Variants in SEC23IP observed in about 807,000 individuals in gnomAD.
SEC23IP encodes the protein SEC23 interacting protein, also known as SEC23-interacting protein.
In SEC23IP, 70 loss-of-function variants were observed where a neutral mutation model predicts 113.4. The ratio of observed to expected loss-of-function variants is 0.62; its 90% CI spans 0.51 to 0.75. The LOEUF is 0.75. Among genes scored for constraint, SEC23IP ranks in the 30% least tolerant of loss-of-function variants. The pLI is 0.00. For missense variants in SEC23IP, 1,160 were observed against 1,204.9 expected (o/e 0.96, Z 0.55); for synonymous variants, 398 against 421.0 (o/e 0.95, Z 0.67).
chr10:119,920,767 G>T, intron 11 of SEC23IP, 122 bp from the exon 12 acceptor site: 1 of 595,860 alleles, frequency 1.7e-6, no homozygotes, highest in Non-Finnish European at 2.8e-6. Context: ...TAACTAACTT[G>T]TAAAAAGTTG....
In SEC23IP at chr10:119,940,577, C is replaced by G. The variant is rs201233098; in HGVS notation, c.*21-9C>G. 6.8e-6 allele frequency: 1 copy of G among 147,390 alleles called. No individual in the cohort carries two copies. Among genetic ancestry groups the G allele is most frequent in the African/African-American group, 2.5e-5 (1 of 40,052 alleles). 9.1% of individuals were successfully genotyped at this position (147,390 alleles called of 1,614,324 possible). A position where few individuals can be genotyped will look rare whatever the true frequency, so the allele number is the denominator to read the frequency against. On this transcript the variant is annotated splice_polypyrimidine_tract_variant and intron_variant, in intron 18 of 18. Transcript: ENST00000369075. ...TTCACTGAGGTTTTTTTTTTTTTTC[C>G]TTTTTAAGACTTTCTTGTCTGCACA...
chr10:119,929,210 G>A (rs971797594), intron 13 of SEC23IP, among the ~76,000 whole-genome samples: 3 of 152,086 alleles, frequency 2.0e-5, no homozygotes, highest in African/African-American at 7.2e-5. Flanking sequence ...AGTCTATAAA[G>A]ATTTTAAAGA....
At chr10:119,916,481 A>G (rs1000655154) in intron 8 of SEC23IP, among the ~76,000 whole-genome samples, 1 of 152,258 alleles carries the variant, frequency 6.6e-6, no homozygotes, top group African/African-American at 2.4e-5. Context: ...GCACATGTCT[A>G]GATTTTAGTG....
At chr10:119,914,033 G>A (rs1044886886) in intron 6 of SEC23IP, among the ~76,000 whole-genome samples, 1 of 152,068 alleles carries the variant, frequency 6.6e-6, no homozygotes, top group Non-Finnish European at 1.5e-5. Context: ...GGTGGTGGGT[G>A]CCTGTAATCC....
Position 119,918,378 on chromosome 10 carries a change from GTTTC to G in SEC23IP, c.1754-11_1754-8del. The G allele has an allele frequency of 6.7e-7, 1 of 1,482,000 alleles. No individual in the cohort carries two copies. Among genetic ancestry groups the G allele is most frequent in the Non-Finnish European group, 9.4e-7 (1 of 1,063,182 alleles). 91.8% of individuals were successfully genotyped at this position (1,482,000 alleles called of 1,614,324 possible). On this transcript the variant is annotated splice_polypyrimidine_tract_variant and intron_variant, in intron 9 of 18. Coordinates refer to ENST00000369075, the MANE Select transcript of SEC23IP (RefSeq NM_007190.4). ...TACCTACTACATTATAAGGCAAAAT[GTTTC>G]TTTTTCATAGGTTCTTTAATATTGT... is the stretch of plus-strand genomic sequence containing the variant.
intron 4 of SEC23IP, among the ~76,000 whole-genome samples, chr10:119,904,825 G>A (rs781278614): frequency 6.6e-5 from 10 of 152,166 alleles, no homozygotes; most frequent in Non-Finnish European, 1.5e-4. Flanking sequence ...TAGGAAATGA[G>A]ATACAGAACA....
intron 16 of SEC23IP, among the ~76,000 whole-genome samples, chr10:119,932,747 C>T (rs780799511): frequency 6.6e-6 from 1 of 152,142 alleles, no homozygotes; most frequent in Non-Finnish European, 1.5e-5. Context: ...AGATTCTAAT[C>T]CTGTTTCCTT....
In SEC23IP at chr10:119,933,757, C is replaced by T. The variant is rs1351986665; in HGVS notation, c.2993C>T (p.Pro998Leu). Reference sequence around the variant, plus strand: ...ACAATGAACATTAGTCCAGAACAGCCCCAGCATTGATCAAACTTCAGTTTT... The same window carrying T: ...ACAATGAACATTAGTCCAGAACAGCTCCAGCATTGATCAAACTTCAGTTTT... The part of the protein sequence containing the change: ...YRTMNISPEQ[P>L]QH Residue 998 changes from proline (P) to leucine (L), a missense_variant, in exon 18 of 19, where the codon CCC becomes CTC. Transcript: ENST00000369075. 11 of 1,574,590 alleles carry T rather than the reference C, an allele frequency of 7.0e-6. No individual in the cohort carries two copies. The highest frequency in any genetic ancestry group is 1.3e-5 in the African/African-American group (1 of 74,128).
chr10:119,905,240 T>C (rs1265737547), intron 4 of SEC23IP, among the ~76,000 whole-genome samples: 1 of 152,226 alleles, frequency 6.6e-6, no homozygotes, highest in Non-Finnish European at 1.5e-5. Flanking sequence ...TAATTTTAGA[T>C]ATAAATAAAC....
chr10:119,918,622 G>A, intron 10 of SEC23IP, 111 bp downstream of exon 10: 10 of 767,832 alleles, frequency 1.3e-5, no homozygotes, highest in East Asian at 1.0e-4. Flanking sequence ...TTGTTTGTTT[G>A]TTTGTTTTAA....
Position 119,917,990 on chromosome 10 carries a change from A to G in SEC23IP, c.1699A>G (p.Met567Val), listed in dbSNP as rs766530551. ...GATAAACCATCTGCATGCACTCTTTATGAGTCGGAACCCAGACTTCAAAGG... is the reference window on the plus strand; with the variant it reads ...GATAAACCATCTGCATGCACTCTTTGTGAGTCGGAACCCAGACTTCAAAGG... ...MEINHLHALF[M>V]SRNPDFKGGV... Residue 567 changes from methionine to valine, a missense_variant, in exon 9 of 19, where the codon ATG becomes GTG. Met to Val is a conservative substitution (Grantham distance 21, BLOSUM62 1). Transcript: ENST00000369075. The G allele has an allele frequency of 6.2e-7, 1 of 1,614,148 alleles. No homozygotes were observed. The highest frequency in any genetic ancestry group is 8.5e-7 in the Non-Finnish European group (1 of 1,179,996).
chr10:119,910,119 T>G (rs1304013056), intron 5 of SEC23IP, among the ~76,000 whole-genome samples: 1 of 152,240 alleles, frequency 6.6e-6, no homozygotes, highest in Non-Finnish European at 1.5e-5. Context: ...AGAGACAATG[T>G]GTAAACCAAT....
At chr10:119,906,919 C>T (rs1327182387) in intron 4 of SEC23IP, among the ~76,000 whole-genome samples, 1 of 151,310 alleles carries the variant, frequency 6.6e-6, no homozygotes, top group Non-Finnish European at 1.5e-5. Context: ...TTCTTTAATC[C>T]TTGTTGTTTG....
intron 4 of SEC23IP, among the ~76,000 whole-genome samples, chr10:119,905,689 T>G (rs1854639634): frequency 6.6e-6 from 1 of 152,198 alleles, no homozygotes; most frequent in African/African-American, 2.4e-5. Context: ...AGAACACCTT[T>G]AATTTGATGA....
At chr10:119,930,287 C>A in intron 14 of SEC23IP, 42 bp from the exon 15 acceptor site, 1 of 1,250,780 alleles carries the variant, frequency 8.0e-7, no homozygotes, top group Non-Finnish European at 1.1e-6. Flanking sequence ...AAACAGCTTT[C>A]ATAAATTTCT....
Position 119,909,147 on chromosome 10 carries a change from A to G in SEC23IP, c.1191+17A>G, listed in dbSNP as rs748882073. On this transcript the variant is annotated intron_variant, in intron 5 of 18. Transcript: ENST00000369075. ...AATCCAAAGGTAATGATGGTGTTCA[A>G]AATTTTAAGGTATTAAGTTCATTTT... 2 of 1,518,424 alleles carry G rather than the reference A, an allele frequency of 1.3e-6. No individual in the cohort carries two copies. The highest frequency in any genetic ancestry group is 1.2e-5 in the South Asian group (1 of 84,004). 94.1% of individuals were successfully genotyped at this position (1,518,424 alleles called of 1,614,324 possible). A position where few individuals can be genotyped will look rare whatever the true frequency, so the allele number is the denominator to read the frequency against.
At chr10:119,898,031 A>AT (rs1854338442) in intron 1 of SEC23IP, among the ~76,000 whole-genome samples, 1 of 151,512 alleles carries the variant, frequency 6.6e-6, no homozygotes, top group Non-Finnish European at 1.5e-5. Context: ...AAAAAAATAA[A>AT]TAAAAATAGT....
intron 3 of SEC23IP, among the ~76,000 whole-genome samples, chr10:119,903,648 C>G (rs1387834849): frequency 6.6e-6 from 1 of 152,160 alleles, no homozygotes; most frequent in Non-Finnish European, 1.5e-5. Flanking sequence ...TAATCTTAAA[C>G]TTCTATTTTG....
rs192109168 is a variant in SEC23IP at position 119,893,370 on chromosome 10, G to A, written c.163+425G>A. ...GGACTGTGCCCCTCTCCTAGGATAC[G>A]GTACACTGTCTCCTACTAGGAGATT... is the stretch of plus-strand genomic sequence containing the variant. On this transcript the variant is annotated intron_variant, in intron 1 of 18. Coordinates refer to ENST00000369075, the MANE Select transcript of SEC23IP (RefSeq NM_007190.4). Among the ~76,000 whole-genome samples, 27 of 151,660 alleles carry A rather than the reference G, an allele frequency of 1.8e-4. 1 individual carries two copies. The highest frequency in any genetic ancestry group is 9.9e-4 in the Admixed American group (15 of 15,210).
Sources: gnomAD v4.1 joint callset for allele counts (sites outside exome capture counted in the v4.1 genomes callset) on GRCh38, gnomAD v4.1.1 for gene constraint, MANE v1.5 for transcripts, NCBI Gene and HGNC (gene_info 2026-07-23, HGNC 2026-07-21) for gene names.